Variants in LOC128706665 observed in about 807,000 individuals in gnomAD.
At chr20:10,415,508 A>C in the LOC128706665 span, among the ~76,000 whole-genome samples, 1 of 152,314 alleles carries the variant, frequency 6.6e-6, no homozygotes, top group Non-Finnish European at 1.5e-5. Context: ...CTGTGGTGAT[A>C]AAGCTATTGT....
chr20:10,433,612 C>T, the LOC128706665 span, among the ~76,000 whole-genome samples: 1 of 152,186 alleles, frequency 6.6e-6, no homozygotes, highest in African/African-American at 2.4e-5. Flanking sequence ...CTACAAGGTC[C>T]ACAGCCCTGC....
At chr20:10,422,888 T>G in the LOC128706665 span, among the ~76,000 whole-genome samples, 1 of 151,898 alleles carries the variant, frequency 6.6e-6, no homozygotes, top group African/African-American at 2.4e-5. Flanking sequence ...ATTTTTTGTA[T>G]TTTTAGTAGA....
At chr20:10,420,312 CT>C in the LOC128706665 span, among the ~76,000 whole-genome samples, 1 of 152,174 alleles carries the variant, frequency 6.6e-6, no homozygotes, top group South Asian at 2.1e-4. Flanking sequence ...TGCTCTTTCC[CT>C]TTGCATTCAA....
the LOC128706665 span, among the ~76,000 whole-genome samples, chr20:10,417,671 T>TA: frequency 6.6e-5 from 10 of 150,512 alleles, no homozygotes; most frequent in East Asian, 3.9e-4. Flanking sequence ...GCCTTCTCTG[T>TA]AAAAAAAAAA....
the LOC128706665 span, among the ~76,000 whole-genome samples, chr20:10,428,039 T>C: frequency 6.6e-6 from 1 of 152,252 alleles, no homozygotes. Flanking sequence ...TTAATGTATT[T>C]GTAAATAAAA....
chr20:10,428,482 T>A, the LOC128706665 span, among the ~76,000 whole-genome samples: 3 of 152,220 alleles, frequency 2.0e-5, no homozygotes, highest in Non-Finnish European at 2.9e-5. Flanking sequence ...GAGGACATTA[T>A]AGCTCTTTAG....
At chr20:10,413,741 T>C in the LOC128706665 span, 1 of 605,296 alleles carries the variant, frequency 1.7e-6, no homozygotes, top group African/African-American at 1.9e-5. Context: ...TACTTCACTC[T>C]TCAATACTCT....
At chr20:10,420,044 T>C in the LOC128706665 span, among the ~76,000 whole-genome samples, 19 of 152,196 alleles carry the variant, frequency 1.2e-4, no homozygotes, top group African/African-American at 4.3e-4. Flanking sequence ...TTTGGAATTA[T>C]GGATAAGGGA....
At chr20:10,425,329 T>C in the LOC128706665 span, among the ~76,000 whole-genome samples, 1 of 152,224 alleles carries the variant, frequency 6.6e-6, no homozygotes, top group Non-Finnish European at 1.5e-5. Flanking sequence ...TGAAAGAAAT[T>C]TGAGATTTTT....
At chr20:10,431,348 C>A in the LOC128706665 span, among the ~76,000 whole-genome samples, 1 of 152,142 alleles carries the variant, frequency 6.6e-6, no homozygotes, top group Middle Eastern at 3.4e-3. Flanking sequence ...CAAATATGTA[C>A]AAGATTAATT....
At chr20:10,415,527 G>T in the LOC128706665 span, among the ~76,000 whole-genome samples, 1 of 152,304 alleles carries the variant, frequency 6.6e-6, no homozygotes, top group Non-Finnish European at 1.5e-5. Context: ...GTCAACTTTT[G>T]TATGGCATGA....
At chr20:10,423,770 T>C in the LOC128706665 span, among the ~76,000 whole-genome samples, 1 of 152,248 alleles carries the variant, frequency 6.6e-6, no homozygotes, top group Non-Finnish European at 1.5e-5. Context: ...TAAGGATCGA[T>C]GAATCTTTTT....
chr20:10,426,793 G>A, the LOC128706665 span, among the ~76,000 whole-genome samples: 197 of 152,232 alleles, frequency 1.3e-3, 1 homozygote, highest in African/African-American at 4.5e-3. Flanking sequence ...CAGTTCTGGA[G>A]GTAAGAAAAA....
the LOC128706665 span, among the ~76,000 whole-genome samples, chr20:10,428,054 T>C: frequency 3.3e-5 from 5 of 152,364 alleles, no homozygotes; most frequent in African/African-American, 4.8e-5. Flanking sequence ...ATAAAAAATA[T>C]ACTGAAAGCA....
chr20:10,434,016 G>C, the LOC128706665 span: 1 of 152,370 alleles, frequency 6.6e-6, no homozygotes, highest in African/African-American at 2.4e-5. Context: ...GGTGACCTTT[G>C]GGGGTGGAGA....
the LOC128706665 span, among the ~76,000 whole-genome samples, chr20:10,433,369 G>A: frequency 7.8e-3 from 1,193 of 152,326 alleles, 22 homozygotes; most frequent in African/African-American, 0.026. Flanking sequence ...GATAGGGAGC[G>A]TATTGTTTCT....
the LOC128706665 span, among the ~76,000 whole-genome samples, chr20:10,422,003 G>A: frequency 5.9e-5 from 9 of 151,712 alleles, no homozygotes; most frequent in African/African-American, 2.2e-4. Flanking sequence ...CTTTATTTTT[G>A]TCTAAATGCC....
the LOC128706665 span, among the ~76,000 whole-genome samples, chr20:10,433,523 T>C: frequency 1.0e-3 from 152 of 152,306 alleles, no homozygotes; most frequent in African/African-American, 3.2e-3. Flanking sequence ...AACCGTCATA[T>C]TGAGTCTCTG....
chr20:10,420,159 T>C, the LOC128706665 span, among the ~76,000 whole-genome samples: 12 of 152,262 alleles, frequency 7.9e-5, no homozygotes, highest in Admixed American at 6.5e-4. Context: ...ATGAATACAA[T>C]TAGTTTTGTA....
Sources: allele counts gnomAD v4.1 joint callset (sites outside exome capture counted in the v4.1 genomes callset), GRCh38; gene constraint gnomAD v4.1.1; transcripts MANE v1.5.